The following HTR4 variants were observed in gnomAD, a reference collection of about 807,000 sequenced individuals.
The protein encoded by HTR4 is 5-hydroxytryptamine receptor 4, also known as 5-hydroxytryptamine (serotonin) receptor 4, G protein-coupled.
A neutral mutation model predicts 36.8 loss-of-function variants in HTR4; 16 were observed. The ratio of observed to expected loss-of-function variants is 0.43; its 90% confidence interval spans 0.29 to 0.66. HTR4 has a LOEUF of 0.66. Among genes scored for constraint, HTR4 ranks in the 30% least tolerant of loss-of-function variants. HTR4 has a pLI of 0.13. For synonymous variants in HTR4, 189 were observed against 185.1 expected (o/e 1.02, Z -0.17); for missense variants, 438 against 490.9 (o/e 0.89, Z 1.02).
chr5:148,535,660 A>T (rs1375429408), intron 4 of HTR4, among the ~76,000 whole-genome samples: 2 of 152,208 alleles, frequency 1.3e-5, no homozygotes, highest in African/African-American at 4.8e-5. Flanking sequence ...TGTCTCTCTA[A>T]AATAAGACAG....
chr5:148,590,039 T>G (rs922071856), intron 2 of HTR4, among the ~76,000 whole-genome samples: 2 of 152,124 alleles, frequency 1.3e-5, no homozygotes, highest in East Asian at 3.8e-4. Flanking sequence ...ACCATTTCAC[T>G]CTCTGCTTCT....
chr5:148,567,538 T>C (rs1359298518), intron 2 of HTR4, among the ~76,000 whole-genome samples: 1 of 151,986 alleles, frequency 6.6e-6, no homozygotes, highest in Non-Finnish European at 1.5e-5. Context: ...TATACCAGGA[T>C]ATAAGGAACC....
intron 4 of HTR4, among the ~76,000 whole-genome samples, chr5:148,523,674 T>C (rs1758131416): frequency 6.6e-6 from 1 of 152,164 alleles, no homozygotes; most frequent in African/African-American, 2.4e-5. Context: ...AATATTAATA[T>C]ATACTTTGGA....
intron 2 of HTR4, among the ~76,000 whole-genome samples, chr5:148,623,423 C>T (rs946618534): frequency 3.9e-5 from 6 of 152,016 alleles, no homozygotes; most frequent in South Asian, 2.1e-4. Flanking sequence ...ATGAAATACT[C>T]GGATGTTTAA....
In HTR4 at chr5:148,523,725, C is replaced by T. The variant is rs76270855; in HGVS notation, c.354-379G>A. Among the ~76,000 whole-genome samples the T allele has an allele frequency of 5.0e-3, 763 of 152,222 alleles. 4 individuals are homozygous for T. Among genetic ancestry groups the T allele is most frequent in the African/African-American group, 0.018 (738 of 41,534 alleles). ...ATTGCCTGCAGTTGGCCCCACAGTC[C>T]TCTCCATCTCCCAATATCTGGAGGA... On this transcript the variant is annotated intron_variant, in intron 4 of 6. Coordinates refer to ENST00000377888, the MANE Select transcript of HTR4 (RefSeq NM_000870.7).
At chr5:148,509,245 G>C in intron 6 of HTR4, 1 of 507,632 alleles carries the variant, frequency 2.0e-6, no homozygotes, top group Non-Finnish European at 3.5e-6. Flanking sequence ...CAGAACTATG[G>C]GGACTTGATT....
At chr5:148,582,900 T>C (rs1761195622) in intron 2 of HTR4, among the ~76,000 whole-genome samples, 1 of 152,088 alleles carries the variant, frequency 6.6e-6, no homozygotes, top group Non-Finnish European at 1.5e-5. Context: ...TTTGACTTCC[T>C]CTTTTCCTAA....
intron 4 of HTR4, among the ~76,000 whole-genome samples, chr5:148,530,991 G>A (rs894190279): frequency 1.3e-5 from 2 of 152,162 alleles, no homozygotes; most frequent in African/African-American, 4.8e-5. Flanking sequence ...CTTCCATTTG[G>A]AATGGCCATA....
rs573485913 is a variant in HTR4 at position 148,509,948 on chromosome 5, G to A, written c.584C>T (p.Thr195Ile). 5.0e-6 allele frequency: 8 copies of A among 1,613,870 alleles called. No homozygotes were observed. In the South Asian group the frequency reaches 5.5e-5, roughly 11 times the overall value. Residue 195 changes from threonine (T) to isoleucine (I), a missense_variant, in exon 6 of 7, where the codon ACC (threonine) becomes ATC (isoleucine). Physicochemically the swap from Thr to Ile is moderately conservative, Grantham distance 89. Coordinates refer to ENST00000377888, the MANE Select transcript of HTR4 (RefSeq NM_000870.7). ...VFMVNKPYAI[T>I]CSVVAFYIPF... is the part of the protein sequence containing the mutation. ...GATGTAGAAGGCCACCACAGAGCAGGTGATGGCGTAGGGCTTGTTGACCAT... is the reference window on the plus strand; with the variant it reads ...GATGTAGAAGGCCACCACAGAGCAGATGATGGCGTAGGGCTTGTTGACCAT...
intron 2 of HTR4, among the ~76,000 whole-genome samples, chr5:148,573,852 C>T (rs1235978435): frequency 4.6e-5 from 7 of 151,804 alleles, no homozygotes; most frequent in Non-Finnish European, 2.9e-5. Context: ...ACCATAGAGG[C>T]TATTCCTTTA....
intron 2 of HTR4, chr5:148,630,506 G>A (rs6580561): frequency 0.5 from 75,525 of 152,000 alleles, 19,491 homozygotes; most frequent in East Asian, 0.68. Context: ...AAGGTTTTCT[G>A]TCATCTTTGG....
At chr5:148,580,735 T>G (rs926433982) in intron 2 of HTR4, among the ~76,000 whole-genome samples, 1 of 152,124 alleles carries the variant, frequency 6.6e-6, no homozygotes, top group Non-Finnish European at 1.5e-5. Flanking sequence ...ATATTCAACT[T>G]TATGTGTTTA....
Position 148,483,003 on chromosome 5 carries a change from G to C in HTR4, c.*200C>G. The C allele has an allele frequency of 7.0e-7, 1 of 1,432,332 alleles. No homozygotes were observed. The highest frequency in any genetic ancestry group is 1.5e-5 in the South Asian group (1 of 65,210). The allele number at this position is 1,432,332 out of a possible 1,614,324, so 88.7% of individuals were successfully genotyped here. On this transcript the variant is annotated 3_prime_UTR_variant, in exon 7 of 7. Transcript: ENST00000377888. ...TTGGGAAATAAAAAGTGAACAAGGA[G>C]GCCATTATGTCCCCTGACTCCCTCC...
chr5:148,554,263 C>T (rs1013910191), intron 2 of HTR4, among the ~76,000 whole-genome samples: 6 of 152,102 alleles, frequency 3.9e-5, no homozygotes, highest in African/African-American at 1.2e-4. Flanking sequence ...TTAGTAGAGA[C>T]GGGGTTTCTC....
At chr5:148,574,049 A>G (rs1352675020) in intron 2 of HTR4, among the ~76,000 whole-genome samples, 1 of 152,096 alleles carries the variant, frequency 6.6e-6, no homozygotes, top group Non-Finnish European at 1.5e-5. Flanking sequence ...AGAGAAACAT[A>G]GGCTGACCAT....
At chr5:148,544,483 G>T (rs181844641) in intron 4 of HTR4, among the ~76,000 whole-genome samples, 1 of 152,034 alleles carries the variant, frequency 6.6e-6, no homozygotes, top group East Asian at 1.9e-4. Context: ...GACAACACAC[G>T]TCATTATTTC....
At chr5:148,584,136 A>G (rs1761256642) in intron 2 of HTR4, among the ~76,000 whole-genome samples, 1 of 152,196 alleles carries the variant, frequency 6.6e-6, no homozygotes, top group African/African-American at 2.4e-5. Flanking sequence ...TGCTCATTAA[A>G]CTAACACCCT....
chr5:148,647,522 C>T (rs1214964705), intron 1 of HTR4, among the ~76,000 whole-genome samples: 2 of 152,052 alleles, frequency 1.3e-5, no homozygotes, highest in African/African-American at 4.8e-5. Flanking sequence ...TCCCTCTCCC[C>T]TTACAGGGGA....
intron 5 of HTR4, among the ~76,000 whole-genome samples, chr5:148,511,646 T>TGC (rs1389942077): frequency 2.0e-5 from 3 of 151,922 alleles, no homozygotes; most frequent in African/African-American, 7.3e-5. Context: ...TGTGTGTGTG[T>TGC]GTGTGTGTGT....
Sources: allele counts gnomAD v4.1 joint callset (sites outside exome capture counted in the v4.1 genomes callset), GRCh38; gene constraint gnomAD v4.1.1; transcripts MANE v1.5; gene names NCBI Gene and HGNC (gene_info 2026-07-23, HGNC 2026-07-21).